Variants in MAPT observed in about 807,000 individuals in gnomAD.
The protein encoded by MAPT is microtubule associated protein tau, also known as microtubule-associated protein tau.
MAPT carries 34 observed loss-of-function variants against 67.9 expected under a neutral mutation model. That is an observed-to-expected ratio of 0.50 (90% CI 0.38 to 0.67). The LOEUF (loss-of-function observed/expected upper bound fraction) is 0.67. MAPT is among the 30% of genes least tolerant of loss of function. The pLI is 0.00. For synonymous variants in MAPT, 456 were observed against 464.5 expected, an observed-to-expected ratio of 0.98 and a Z score of 0.23; for missense variants, 881 against 1,115.2, an observed-to-expected ratio of 0.79 and a Z score of 2.99.
intron 11 of MAPT, among the ~76,000 whole-genome samples, chr17:46,014,954 A>T (rs1287918156): frequency 6.6e-6 from 1 of 152,070 alleles, no homozygotes; most frequent in African/African-American, 2.4e-5. Context: ...TGGTTACCAG[A>T]GGCTGGGAAG....
chr17:45,977,449 T>C (rs1378961437), intron 3 of MAPT: 2 of 152,238 alleles, frequency 1.3e-5, no homozygotes, highest in Non-Finnish European at 2.9e-5. Flanking sequence ...GTGATTCTGG[T>C]GGCCTGAGGT....
chr17:46,021,520 A>C (rs1289499343), intron 12 of MAPT, among the ~76,000 whole-genome samples: 1 of 152,150 alleles, frequency 6.6e-6, no homozygotes, highest in African/African-American at 2.4e-5. Context: ...CCTGGGTGAA[A>C]GGAGGCCCCT....
intron 1 of MAPT, among the ~76,000 whole-genome samples, chr17:45,950,045 C>A (rs1213631293): frequency 6.6e-6 from 1 of 151,628 alleles, no homozygotes; most frequent in Non-Finnish European, 1.5e-5. Flanking sequence ...GCAAAGCTGT[C>A]GGGAATCCTG....
intron 1 of MAPT, among the ~76,000 whole-genome samples, chr17:45,900,536 G>C (rs1031794731): frequency 1.3e-5 from 2 of 152,188 alleles, no homozygotes; most frequent in Non-Finnish European, 1.5e-5. Flanking sequence ...TCCATGCTGA[G>C]CCCAATCAGG....
At chr17:45,929,065 G>C (rs953321383) in intron 1 of MAPT, among the ~76,000 whole-genome samples, 4 of 151,804 alleles carry the variant, frequency 2.6e-5, no homozygotes, top group African/African-American at 9.7e-5. Context: ...CCACTGATCT[G>C]CCTTGTGCTT....
At chr17:45,948,667 C>A (rs1043807149) in intron 1 of MAPT, among the ~76,000 whole-genome samples, 1 of 152,180 alleles carries the variant, frequency 6.6e-6, no homozygotes, top group African/African-American at 2.4e-5. Context: ...CCTGTGTGAC[C>A]TTGGGCAACT....
At chr17:46,023,139 C>T (rs972284372) in intron 12 of MAPT, among the ~76,000 whole-genome samples, 2 of 152,218 alleles carry the variant, frequency 1.3e-5, no homozygotes, top group African/African-American at 4.8e-5. Flanking sequence ...TCTCCTTCCA[C>T]ATTTTCCTTT....
At chr17:45,911,722 C>T (rs1219855018) in intron 1 of MAPT, among the ~76,000 whole-genome samples, 1 of 152,120 alleles carries the variant, frequency 6.6e-6, no homozygotes, top group African/African-American at 2.4e-5. Flanking sequence ...CATGATGGCA[C>T]CACTGCACTG....
chr17:45,911,763 C>CA (rs66760063), intron 1 of MAPT, among the ~76,000 whole-genome samples: 1 of 151,172 alleles, frequency 6.6e-6, no homozygotes, highest in African/African-American at 2.4e-5. Flanking sequence ...GACCTGCTCT[C>CA]AAAAAAACAA....
intron 8 of MAPT, among the ~76,000 whole-genome samples, chr17:45,993,692 G>A (rs918128626): frequency 2.0e-5 from 3 of 152,130 alleles, no homozygotes; most frequent in African/African-American, 7.2e-5. Context: ...GGGATTACAG[G>A]GGACTCACAC....
In MAPT at chr17:45,996,707, C is replaced by T. The variant is rs2074504485; in HGVS notation, c.1998+43C>T. ...CGCGTGGAGGTGTGGGGGGCTGCGC[C>T]TGGAGGGGTAGGGCTGTGCCTGGAA... is the stretch of plus-strand genomic sequence containing the variant. On this transcript the variant is annotated intron_variant, in intron 9 of 12. Coordinates refer to ENST00000262410, the MANE Select transcript of MAPT (RefSeq NM_001377265.1). This position sits in a 1 kb window ranked among gnomAD's most constrained non-coding sequence, Gnocchi z 4.5. The T allele has an allele frequency of 6.2e-7, 1 of 1,607,484 alleles. No homozygotes were observed. The highest frequency in any genetic ancestry group is 1.1e-5 in the South Asian group (1 of 90,114).
intron 1 of MAPT, among the ~76,000 whole-genome samples, chr17:45,904,028 T>TTA (rs1555673888): frequency 7.8e-4 from 23 of 29,572 alleles, no homozygotes; most frequent in African/African-American, 2.3e-3. Flanking sequence ...TATTATATAT[T>TTA]TATATATTAT....
chr17:45,998,591 C>A (rs2074710770), intron 9 of MAPT, among the ~76,000 whole-genome samples: 1 of 152,172 alleles, frequency 6.6e-6, no homozygotes, highest in East Asian at 1.9e-4. Flanking sequence ...AAGGTCCGGC[C>A]TTTTCCTGCT....
rs191635700 is a variant in MAPT, at chr17:45,918,796, G to A, written c.-18+24110G>A. Among the ~76,000 whole-genome samples the A allele has an allele frequency of 1.2e-3, 190 of 152,296 alleles. 1 individual carries two copies. Among genetic ancestry groups the A allele is most frequent in the East Asian group, 0.01 (53 of 5,180 alleles). ...ACATTGGCTGGGTGCGGTGGCTCAC[G>A]CCTGTAATCCCAGCATTTTGGGAGG... On this transcript the variant is annotated intron_variant, in intron 1 of 12. Coordinates refer to ENST00000262410, the MANE Select transcript of MAPT (RefSeq NM_001377265.1).
chr17:45,974,291 C>G, intron 3 of MAPT: 1 of 895,764 alleles, frequency 1.1e-6, no homozygotes. Context: ...CTCCTCACTC[C>G]TCCTCCCTGC....
At chr17:45,982,363 T>C (rs2073064050) in intron 4 of MAPT, among the ~76,000 whole-genome samples, 1 of 142,236 alleles carries the variant, frequency 7.0e-6, no homozygotes, top group African/African-American at 2.6e-5. Context: ...AGGAGAACAG[T>C]GAGAGGTAGG....
intron 1 of MAPT, among the ~76,000 whole-genome samples, chr17:45,918,409 C>G (rs754283131): frequency 6.6e-6 from 1 of 152,176 alleles, no homozygotes; most frequent in Non-Finnish European, 1.5e-5. Context: ...TTGGCTGCCC[C>G]CTACTAGCTG....
At chr17:46,003,355 T>C (rs902202273) in intron 9 of MAPT, among the ~76,000 whole-genome samples, 2 of 151,934 alleles carry the variant, frequency 1.3e-5, no homozygotes, top group Middle Eastern at 3.2e-3. Context: ...CTCGGCTCAC[T>C]GCAACCTCCG....
rs2066169372 is a variant in MAPT, at chr17:45,925,259, C to T, written c.-18+30573C>T. Among the ~76,000 whole-genome samples the T allele has an allele frequency of 3.3e-5, 5 of 152,166 alleles. 1 individual carries two copies. In the South Asian group the frequency reaches 1.0e-3, roughly 32 times the overall value. On this transcript the variant is annotated intron_variant, in intron 1 of 12. Transcript: ENST00000262410. ...CCGGGCTGCAGTGGTTTCTTCAGCC[C>T]CTCTCCAGGGTTTACACTGTGCAAG...
Sources: allele counts gnomAD v4.1 joint callset (sites outside exome capture counted in the v4.1 genomes callset), GRCh38; gene constraint gnomAD v4.1.1; non-coding constraint Gnocchi (gnomAD v3.1); transcripts MANE v1.5; gene names NCBI Gene and HGNC (gene_info 2026-07-23, HGNC 2026-07-21).